The following AGAP6 variants were observed in gnomAD, a reference collection of about 807,000 sequenced individuals.
AGAP6 encodes ArfGAP with GTPase domain, ankyrin repeat and PH domain 6, also known as arf-GAP with GTPase, ANK repeat and PH domain-containing protein 6.
A neutral mutation model predicts 63.9 loss-of-function variants in AGAP6; 29 were observed. The observed-to-expected ratio is 0.45, with a 90% CI of 0.34 to 0.62. The LOEUF is 0.62. AGAP6 is among the 20% of genes least tolerant of loss of function. AGAP6 has a pLI of 0.01. For synonymous variants in AGAP6, 199 were observed against 332.9 expected (o/e 0.60, Z 4.38); for missense variants, 493 against 884.9 (o/e 0.56, Z 5.62).
rs1554865520 is a variant in AGAP6, at chr10:50,009,969, T to C, written c.1844T>C (p.Val615Ala). 3 of 1,611,908 alleles carry C rather than the reference T, an allele frequency of 1.9e-6. No homozygotes were observed. In the East Asian group the frequency reaches 6.7e-5, roughly 36 times the overall value. Residue 615 changes from valine to alanine, a missense_variant, in exon 8 of 8, where the codon GTG becomes GCG. Transcript: ENST00000412531. ...CTGGCACATGGCTCCTGTGAGGAGG[T>C]GAACGAGACCTGTGGGGAGGGAGAC... ...LLLAHGSCEE[V>A]NETCGEGDGC... is the part of the protein sequence containing the mutation.
At chr10:50,003,383 T>G (rs567855192) in intron 5 of AGAP6, among the ~76,000 whole-genome samples, 3,051 of 151,828 alleles carry the variant, frequency 0.02, 37 homozygotes, top group Middle Eastern at 0.031. Context: ...TTATGCAAGG[T>G]TTTTTTCAAA....
At chr10:49,997,767 T>C (rs1348643995) in intron 4 of AGAP6, among the ~76,000 whole-genome samples, 2 of 149,570 alleles carry the variant, frequency 1.3e-5, no homozygotes, top group East Asian at 4.0e-4. Flanking sequence ...ATTTGTAGTC[T>C]TTTATCCCTC....
chr10:50,009,866 C>T lies in AGAP6; in HGVS notation c.1741C>T (p.Pro581Ser). 1.2e-6 allele frequency: 2 copies of T among 1,611,056 alleles called. No homozygotes were observed. The highest frequency in any genetic ancestry group is 1.7e-6 in the Non-Finnish European group (2 of 1,179,564). ...YEEKLFLAPL[P>S]CTELSLGQQL... ...GGAGAAGCTCTTTCTGGCCCCACTA[C>T]CCTGCACTGAGCTGTCCCTGGGCCA... The change falls in exon 8 of 8, where the codon CCC becomes TCC. Residue 581 changes from proline to serine, a missense_variant. Transcript: ENST00000412531.
chr10:49,991,633 C>T (rs1554860944), intron 2 of AGAP6, 43 bp from the exon 3 acceptor site: 1 of 1,593,628 alleles, frequency 6.3e-7, no homozygotes, highest in Non-Finnish European at 8.5e-7. Context: ...AAATTTTTAT[C>T]AATGATTACA....
chr10:50,001,845 C>T, intron 4 of AGAP6, 151 bp from the exon 5 acceptor site: 1 of 649,574 alleles, frequency 1.5e-6, no homozygotes, highest in East Asian at 2.8e-5. Context: ...AAGTTGAGAG[C>T]CTCCAATGGG....
chr10:49,991,690 C>T lies in AGAP6; in HGVS notation c.307C>T (p.Pro103Ser), dbSNP rs782040772. Residue 103 changes from proline to serine, a missense_variant, in exon 3 of 8, where the codon CCT (proline) becomes TCT (serine). Physicochemically the swap from Pro to Ser is moderately conservative, Grantham distance 74. Coordinates refer to ENST00000412531, the MANE Select transcript of AGAP6 (RefSeq NM_001077665.3). ...TGTGCATATAGCTTTGGAGTTTAAC[C>T]CTTCTGCCAATCCAGAGGCAAGCAC... ...NSQTEALEFNPSANPEASTIF... is the reference protein window; with the variant it reads ...NSQTEALEFNSSANPEASTIF... 10 of 1,597,640 alleles carry T rather than the reference C, an allele frequency of 6.3e-6. No homozygotes were observed. In the African/African-American group the frequency reaches 6.7e-5, roughly 11 times the overall value.
chr10:50,008,390 C>G (rs1275977276), intron 7 of AGAP6, among the ~76,000 whole-genome samples: 2 of 151,582 alleles, frequency 1.3e-5, no homozygotes, highest in African/African-American at 4.9e-5. Flanking sequence ...GCTCTGCCTC[C>G]CAGGTCCCTG....
At chr10:50,007,110 G>A (rs1267208321) in intron 6 of AGAP6, among the ~76,000 whole-genome samples, 20 of 151,760 alleles carry the variant, frequency 1.3e-4, no homozygotes, top group Non-Finnish European at 4.4e-5. Flanking sequence ...GAACAGTGTT[G>A]GCCAGGCACA....
chr10:50,008,900 G>A lies in AGAP6; in HGVS notation c.775G>A (p.Gly259Arg). 6.2e-7 allele frequency: 1 copy of A among 1,609,150 alleles called. No individual in the cohort carries two copies. Among genetic ancestry groups the A allele is most frequent in the Non-Finnish European group, 8.5e-7 (1 of 1,176,748 alleles). The part of the protein sequence containing the change: ...RWSNLFTSEK[G>R]SDPDKERKAP... ...GTCCAACCTGTTTACATCTGAGAAA[G>A]GGAGTGACCCAGACAAAGAGAGGAA... The change falls in exon 8 of 8, where the codon GGG becomes AGG. Residue 259 changes from glycine to arginine, a missense_variant. Around this residue, in one of 7 missense-constraint regions of AGAP6, gnomAD observed 342 missense variants for 533.4 expected, o/e 0.64. Transcript: ENST00000412531.
At chr10:49,991,641 A>G (rs782644785) in intron 2 of AGAP6, 35 bp from the exon 3 acceptor site, 17 of 1,595,502 alleles carry the variant, frequency 1.1e-5, no homozygotes, top group Middle Eastern at 2.0e-4. Flanking sequence ...ATCAATGATT[A>G]CATCTTTTTT....
chr10:50,007,631 C>A (rs1203262734), intron 6 of AGAP6, among the ~76,000 whole-genome samples: 2 of 147,278 alleles, frequency 1.4e-5, no homozygotes, highest in African/African-American at 5.0e-5. Context: ...GAGTATACTA[C>A]AGAGAACTAA....
chr10:49,997,714 G>A (rs1841543865), intron 4 of AGAP6, among the ~76,000 whole-genome samples: 1 of 151,598 alleles, frequency 6.6e-6, no homozygotes, highest in Non-Finnish European at 1.5e-5. Context: ...TGATTTGTGA[G>A]ATTTAGGTGC....
chr10:50,008,330 T>C (rs1841986178), intron 7 of AGAP6, among the ~76,000 whole-genome samples: 1 of 149,958 alleles, frequency 6.7e-6, no homozygotes, highest in Non-Finnish European at 1.5e-5. Flanking sequence ...ATGGACTCTC[T>C]TTCTGTAGCC....
chr10:49,995,178 T>C lies in AGAP6; in HGVS notation c.396+749T>C, dbSNP rs1295175604. 7.9e-5 allele frequency among the ~76,000 whole-genome samples: 12 copies of C among 152,244 alleles called. No homozygotes were observed. In the East Asian group the frequency reaches 2.3e-3, roughly 29 times the overall value. On this transcript the variant is annotated intron_variant, in intron 4 of 7. Coordinates refer to ENST00000412531, the MANE Select transcript of AGAP6 (RefSeq NM_001077665.3). ...TTTAATTAAATCAGTAATATTTACA[T>C]GATTATGACTCTGCAAATATTATTC...
intron 6 of AGAP6, among the ~76,000 whole-genome samples, chr10:50,004,922 T>C (rs1168872138): frequency 6.6e-6 from 1 of 152,258 alleles, no homozygotes; most frequent in African/African-American, 2.4e-5. Context: ...TGTGTTTATA[T>C]TGATTATATT....
chr10:49,991,325 T>C (rs1841264712), intron 2 of AGAP6, among the ~76,000 whole-genome samples: 1 of 152,104 alleles, frequency 6.6e-6, no homozygotes, highest in African/African-American at 2.4e-5. Flanking sequence ...TACTGACATC[T>C]TGATTTATTT....
At chr10:50,007,976 T>A (rs782271454) in intron 6 of AGAP6, 49 bp from the exon 7 acceptor site, 1 of 1,611,510 alleles carries the variant, frequency 6.2e-7, no homozygotes, top group South Asian at 1.1e-5. Flanking sequence ...ACAAATATTA[T>A]ACTAAGATAT....
At chr10:50,001,325 G>A (rs1192129223) in intron 4 of AGAP6, among the ~76,000 whole-genome samples, 8 of 149,142 alleles carry the variant, frequency 5.4e-5, no homozygotes, top group Admixed American at 1.3e-4. Flanking sequence ...GCGAGACTCC[G>A]TCTCAAAAAT....
intron 3 of AGAP6, among the ~76,000 whole-genome samples, chr10:49,993,288 C>G (rs1841353799): frequency 6.6e-6 from 1 of 152,074 alleles, no homozygotes; most frequent in African/African-American, 2.4e-5. Context: ...CTTCTCACAC[C>G]TAGAGAGCAT....
Sources: allele counts gnomAD v4.1 joint callset (sites outside exome capture counted in the v4.1 genomes callset), GRCh38; gene constraint gnomAD v4.1.1; regional missense constraint gnomAD v4.1.1; transcripts MANE v1.5; gene names NCBI Gene and HGNC (gene_info 2026-07-23, HGNC 2026-07-21).